GRM1: variants seen among roughly 807,000 people sequenced by gnomAD.
GRM1 encodes the protein glutamate metabotropic receptor 1.
Under a neutral mutation model 90.9 loss-of-function variants are expected in GRM1, and 33 were observed. The ratio of observed to expected loss-of-function variants is 0.36; its 90% confidence interval spans 0.28 to 0.49. The LOEUF is 0.49. GRM1 is among the 20% of genes least tolerant of loss of function. The pLI is 0.99. For synonymous variants in GRM1, 700 were observed against 613.2 expected, an observed-to-expected ratio of 1.14 and a Z score of -2.09; for missense variants, 1,190 against 1,534.3, an observed-to-expected ratio of 0.78 and a Z score of 3.75.
chr6:146,383,132 A>G (rs983089965), intron 5 of GRM1, among the ~76,000 whole-genome samples: 1 of 152,318 alleles, frequency 6.6e-6, no homozygotes, highest in Admixed American at 6.5e-5. Flanking sequence ...GTGCATAAAG[A>G]AAGAGGATTA....
intron 1 of GRM1, among the ~76,000 whole-genome samples, chr6:146,157,169 G>T (rs1409276121): frequency 6.6e-6 from 1 of 152,164 alleles, no homozygotes; most frequent in Non-Finnish European, 1.5e-5. Flanking sequence ...TATGACAATT[G>T]GAGCAGAGAA....
At chr6:146,274,488 T>A (rs1337972672) in intron 2 of GRM1, among the ~76,000 whole-genome samples, 1 of 152,192 alleles carries the variant, frequency 6.6e-6, no homozygotes, top group Admixed American at 6.5e-5. Context: ...AAATATTCTC[T>A]GAGTAGGACA....
chr6:146,387,285 T>C (rs148176332), intron 6 of GRM1, among the ~76,000 whole-genome samples: 1 of 152,086 alleles, frequency 6.6e-6, no homozygotes, highest in Non-Finnish European at 1.5e-5. Flanking sequence ...CTTTAAATTG[T>C]ATTTGAAGGT....
chr6:146,256,882 C>A (rs1781499088), intron 2 of GRM1, among the ~76,000 whole-genome samples: 1 of 152,092 alleles, frequency 6.6e-6, no homozygotes, highest in Non-Finnish European at 1.5e-5. Context: ...GTGTGGATTT[C>A]CCAGGGGTGT....
At chr6:146,334,674 C>T (rs1298639665) in intron 3 of GRM1, among the ~76,000 whole-genome samples, 1 of 152,144 alleles carries the variant, frequency 6.6e-6, no homozygotes, top group African/African-American at 2.4e-5. Context: ...GTACGGGCTT[C>T]CCACCAGCTT....
chr6:146,101,237 T>A (rs1250357689), intron 1 of GRM1, among the ~76,000 whole-genome samples: 2 of 152,236 alleles, frequency 1.3e-5, no homozygotes. Flanking sequence ...TATATCCTTG[T>A]TGGACTTTTA....
At chr6:146,254,698 C>T (rs1781423421) in intron 2 of GRM1, among the ~76,000 whole-genome samples, 1 of 152,178 alleles carries the variant, frequency 6.6e-6, no homozygotes, top group Non-Finnish European at 1.5e-5. Flanking sequence ...TCATGCCCCA[C>T]TAAATTGATT....
intron 2 of GRM1, among the ~76,000 whole-genome samples, chr6:146,253,753 A>G (rs1415595510): frequency 1.3e-5 from 2 of 152,204 alleles, no homozygotes; most frequent in African/African-American, 4.8e-5. Context: ...CAAACAAAAT[A>G]AGAACTATTC....
intron 2 of GRM1, among the ~76,000 whole-genome samples, chr6:146,207,422 AT>A (rs1779532946): frequency 6.6e-6 from 1 of 152,086 alleles, no homozygotes. Context: ...TCCTTTGCCC[AT>A]TTTTTAACGG....
chr6:146,359,118 T>C (rs554540882), intron 5 of GRM1, among the ~76,000 whole-genome samples: 9 of 152,208 alleles, frequency 5.9e-5, no homozygotes, highest in Admixed American at 4.6e-4. Flanking sequence ...TTCCAAGCAG[T>C]GCAGAAGTAT....
chr6:146,366,625 A>G (rs921632390), intron 5 of GRM1, among the ~76,000 whole-genome samples: 2 of 152,136 alleles, frequency 1.3e-5, no homozygotes, highest in Non-Finnish European at 2.9e-5. Flanking sequence ...CTTATTTAAC[A>G]TGATTTCCTC....
chr6:146,243,849 T>G (rs995653361), intron 2 of GRM1, among the ~76,000 whole-genome samples: 1 of 152,098 alleles, frequency 6.6e-6, no homozygotes, highest in South Asian at 2.1e-4. Context: ...ATCCCTTATC[T>G]ACATCCGTAT....
At chr6:146,238,506 T>A (rs1780732542) in intron 2 of GRM1, among the ~76,000 whole-genome samples, 1 of 152,250 alleles carries the variant, frequency 6.6e-6, no homozygotes, top group African/African-American at 2.4e-5. Flanking sequence ...TGTTTCATTA[T>A]CTAAAAAATT....
intron 7 of GRM1, among the ~76,000 whole-genome samples, chr6:146,427,576 C>T (rs1778256389): frequency 6.6e-6 from 1 of 152,202 alleles, no homozygotes; most frequent in South Asian, 2.1e-4. Flanking sequence ...CATCTCTTCC[C>T]TTCACTCAGT....
At chr6:146,326,227 G>A (rs1784395254) in intron 3 of GRM1, among the ~76,000 whole-genome samples, 1 of 152,136 alleles carries the variant, frequency 6.6e-6, no homozygotes, top group Non-Finnish European at 1.5e-5. Context: ...AAGAAAATGT[G>A]GTACATATAC....
chr6:146,387,915 A>C (rs1776569615), intron 6 of GRM1, among the ~76,000 whole-genome samples: 1 of 152,096 alleles, frequency 6.6e-6, no homozygotes, highest in Non-Finnish European at 1.5e-5. Context: ...TGTTGTATTG[A>C]TGCAAGTGAG....
chr6:146,222,429 G>C (rs1301433531), intron 2 of GRM1, among the ~76,000 whole-genome samples: 1 of 152,080 alleles, frequency 6.6e-6, no homozygotes, highest in Non-Finnish European at 1.5e-5. Flanking sequence ...ATGTGTGCAT[G>C]TGTGCAAAAT....
At chr6:146,274,380 G>A (rs1782280416) in intron 2 of GRM1, among the ~76,000 whole-genome samples, 1 of 152,100 alleles carries the variant, frequency 6.6e-6, no homozygotes, top group South Asian at 2.1e-4. Flanking sequence ...TAAGAATACT[G>A]CAAAGAATAT....
At chr6:146,193,430 G>A (rs936093897) in intron 2 of GRM1, among the ~76,000 whole-genome samples, 1 of 152,158 alleles carries the variant, frequency 6.6e-6, no homozygotes, top group Non-Finnish European at 1.5e-5. Context: ...TGCAGCCAAT[G>A]AGAGGGAGAT....
Sources: gnomAD v4.1 joint callset for allele counts (sites outside exome capture counted in the v4.1 genomes callset) on GRCh38, gnomAD v4.1.1 for gene constraint, MANE v1.5 for transcripts, NCBI Gene and HGNC (gene_info 2026-07-23, HGNC 2026-07-21) for gene names.